EEPD1: variants seen among roughly 807,000 people sequenced by gnomAD.
EEPD1 encodes endonuclease/exonuclease/phosphatase family domain-containing protein 1.
EEPD1 carries 17 observed loss-of-function variants against 46.3 expected under a neutral mutation model. That is an observed-to-expected ratio of 0.37 (90% CI 0.25 to 0.55). The LOEUF (loss-of-function observed/expected upper bound fraction) is 0.55. Ranked by LOEUF, EEPD1 falls within the 20% of genes least tolerant of loss-of-function variation. The pLI, the probability that EEPD1 is intolerant of heterozygous loss-of-function variation, is 0.83. For missense variants in EEPD1, 673 were observed against 745.6 expected, an observed-to-expected ratio of 0.90 and a Z score of 1.13; for synonymous variants, 313 against 315.6, an observed-to-expected ratio of 0.99 and a Z score of 0.09.
chr7:36,228,015 T>A (rs1704032911), intron 2 of EEPD1, among the ~76,000 whole-genome samples: 1 of 151,990 alleles, frequency 6.6e-6, no homozygotes, highest in South Asian at 2.1e-4. Context: ...GAGGCTGAGA[T>A]GGGAGGATCG....
At chr7:36,269,844 T>TA (rs1787077167) in intron 3 of EEPD1, among the ~76,000 whole-genome samples, 1 of 152,252 alleles carries the variant, frequency 6.6e-6, no homozygotes, top group African/African-American at 2.4e-5. Flanking sequence ...TTTCTAAACA[T>TA]ATAGATAAAA....
At chr7:36,211,518 A>C (rs1191003226) in intron 2 of EEPD1, among the ~76,000 whole-genome samples, 1 of 152,250 alleles carries the variant, frequency 6.6e-6, no homozygotes, top group Non-Finnish European at 1.5e-5. Flanking sequence ...AGAAAAACTA[A>C]GAAAATATAT....
intron 2 of EEPD1, among the ~76,000 whole-genome samples, chr7:36,195,764 A>C (rs1785570772): frequency 6.6e-6 from 1 of 152,156 alleles, no homozygotes; most frequent in Admixed American, 6.5e-5. Context: ...TCTTATCACA[A>C]AAAAAATGGT....
intron 6 of EEPD1, among the ~76,000 whole-genome samples, chr7:36,292,085 C>T (rs999329998): frequency 5.3e-5 from 8 of 152,234 alleles, no homozygotes; most frequent in African/African-American, 1.9e-4. Context: ...GTGTGTCTCT[C>T]CCTGACAAAC....
chr7:36,227,085 C>A (rs1361010937), intron 2 of EEPD1, among the ~76,000 whole-genome samples: 1 of 151,884 alleles, frequency 6.6e-6, no homozygotes, highest in Non-Finnish European at 1.5e-5. Context: ...GGGGGGTGGC[C>A]AGAAACAGAT....
chr7:36,219,329 GA>G (rs145396446), intron 2 of EEPD1, among the ~76,000 whole-genome samples: 13,495 of 148,782 alleles, frequency 0.091, 1,029 homozygotes, highest in African/African-American at 0.21. Flanking sequence ...CATTTTACAG[GA>G]AAAAAAAAAT....
At chr7:36,292,787 G>A (rs1373664687) in intron 6 of EEPD1, among the ~76,000 whole-genome samples, 3 of 152,144 alleles carry the variant, frequency 2.0e-5, no homozygotes, top group African/African-American at 7.2e-5. Flanking sequence ...GATTACAGGT[G>A]TGAGCCACTG....
chr7:36,281,917 T>C (rs766218395), intron 4 of EEPD1, among the ~76,000 whole-genome samples: 2 of 152,238 alleles, frequency 1.3e-5, no homozygotes, highest in African/African-American at 2.4e-5. Context: ...ATACCTAACA[T>C]GCTTACAAAC....
At chr7:36,188,051 C>T (rs555788993) in intron 2 of EEPD1, among the ~76,000 whole-genome samples, 2 of 152,300 alleles carry the variant, frequency 1.3e-5, no homozygotes, top group Admixed American at 1.3e-4. Context: ...CTGCCTCGGC[C>T]TCCCAAAGTG....
At chr7:36,270,656 A>G (rs1377955509) in intron 3 of EEPD1, among the ~76,000 whole-genome samples, 1 of 152,152 alleles carries the variant, frequency 6.6e-6, no homozygotes, top group East Asian at 1.9e-4. Flanking sequence ...TTATGACTGC[A>G]TGGTATTCCA....
rs372511120 is a variant in EEPD1 at position 36,189,137 on chromosome 7, A to G, written c.878+33935A>G. ...TGTCTGTAGGTGTCAGACCCTGCTC[A>G]TTGTACTGGCCCCCACGGGACACAA... On this transcript the variant is annotated intron_variant, in intron 2 of 7. Coordinates refer to ENST00000242108, the MANE Select transcript of EEPD1 (RefSeq NM_030636.3). Among the ~76,000 whole-genome samples the G allele has an allele frequency of 2.6e-4, 39 of 152,246 alleles. 1 individual carries two copies. The East Asian group carries it at 4.3e-3, about 17-fold the overall frequency.
At chr7:36,232,362 G>A (rs1786347696) in intron 2 of EEPD1, among the ~76,000 whole-genome samples, 1 of 151,710 alleles carries the variant, frequency 6.6e-6, no homozygotes, top group Non-Finnish European at 1.5e-5. Context: ...CCACCACCAG[G>A]CCCAGCTAAT....
At chr7:36,233,328 T>C (rs1786371261) in intron 2 of EEPD1, among the ~76,000 whole-genome samples, 2 of 152,240 alleles carry the variant, frequency 1.3e-5, no homozygotes, top group African/African-American at 4.8e-5. Context: ...ATCCACCCAG[T>C]CATCTTGTTT....
intron 7 of EEPD1, among the ~76,000 whole-genome samples, chr7:36,298,238 A>G (rs755785301): frequency 2.0e-5 from 3 of 152,206 alleles, no homozygotes; most frequent in Admixed American, 1.3e-4. Flanking sequence ...GAAGGTGTCT[A>G]TTGAAGGAAG....
intron 5 of EEPD1, 55 bp from the exon 6 acceptor site, chr7:36,287,584 A>G: frequency 1.3e-6 from 2 of 1,584,606 alleles, no homozygotes; most frequent in South Asian, 1.1e-5. Context: ...TGTAACGGAT[A>G]CAGGAAATAT....
Position 36,299,407 on chromosome 7 carries a change from G to C in EEPD1, c.*201G>C. ...GGCGTGCCAGGCGCGTACCCCACCA[G>C]GTGGGCAAAGCAGAAACCTGCGGGG... is the stretch of plus-strand genomic sequence containing the variant. On this transcript the variant is annotated 3_prime_UTR_variant, in exon 8 of 8. Coordinates refer to ENST00000242108, the MANE Select transcript of EEPD1 (RefSeq NM_030636.3). 1.5e-6 allele frequency: 1 copy of C among 649,142 alleles called. No individual in the cohort carries two copies. Among genetic ancestry groups the C allele is most frequent in the Non-Finnish European group, 2.6e-6 (1 of 384,392 alleles). The allele number at this position is 649,142 out of a possible 1,614,324, so 40.2% of individuals were successfully genotyped here.
chr7:36,161,737 C>A (rs1282622184), intron 2 of EEPD1, among the ~76,000 whole-genome samples: 1 of 151,976 alleles, frequency 6.6e-6, no homozygotes, highest in South Asian at 2.1e-4. Context: ...GGAAACATAG[C>A]AAGACCCTAT....
At chr7:36,297,267 C>T in intron 7 of EEPD1, 80 bp downstream of exon 7, 1 of 1,478,550 alleles carries the variant, frequency 6.8e-7, no homozygotes, top group African/African-American at 1.4e-5. Context: ...GAAGTCATCT[C>T]ACCTCCTCTG....
chr7:36,287,733 AC>A lies in EEPD1; in HGVS notation c.1273del (p.Arg425GlyfsTer13). The A allele has an allele frequency of 1.2e-6, 2 of 1,614,176 alleles. No homozygotes were observed. Among genetic ancestry groups the A allele is most frequent in the Non-Finnish European group, 1.7e-6 (2 of 1,180,028 alleles). ...CCCAGCAAGAATCACAGTGATGGCC[AC>A]CGGTTGGCGAGCTTTGCACAGACCC... Reference protein sequence around the residue: ...ENPSKNHSDGHRLASFAQTLQ... With the variant: ...ENPSKNHSDGXRLASFAQTLQ... On this transcript the variant is annotated frameshift_variant, in exon 6 of 8. Transcript: ENST00000242108. LOFTEE classifies it high-confidence loss of function.
Sources: allele counts gnomAD v4.1 joint callset (sites outside exome capture counted in the v4.1 genomes callset), GRCh38; gene constraint gnomAD v4.1.1; transcripts MANE v1.5; gene names NCBI Gene and HGNC (gene_info 2026-07-23, HGNC 2026-07-21).